The following PCDHGB1 variants were observed in gnomAD, a reference collection of about 807,000 sequenced individuals.
PCDHGB1 encodes protocadherin gamma-B1.
PCDHGB1 carries 34 observed loss-of-function variants against 56.6 expected under a neutral mutation model. The observed-to-expected ratio is 0.60, with a 90% CI of 0.46 to 0.80. The LOEUF is 0.80. Among genes scored for constraint, PCDHGB1 ranks in the 30% least tolerant of loss-of-function variants. The pLI is 0.00. For missense variants in PCDHGB1, 1,278 were observed against 1,204.6 expected (o/e 1.06, Z -0.90); for synonymous variants, 561 against 505.9 (o/e 1.11, Z -1.46).
At chr5:141,356,548 C>G in intron 1 of PCDHGB1, 1 of 1,614,130 alleles carries the variant, frequency 6.2e-7, no homozygotes, top group Non-Finnish European at 8.5e-7. Context: ...TGACAACCCA[C>G]CCACTTTCCC....
Position 141,476,279 on chromosome 5 carries a change from G to T in PCDHGB1, c.2410-18528G>T. The T allele has an allele frequency of 6.2e-7, 1 of 1,614,148 alleles. No individual in the cohort carries two copies. Among genetic ancestry groups the T allele is most frequent in the Non-Finnish European group, 8.5e-7 (1 of 1,180,024 alleles). On this transcript the variant is annotated intron_variant, in intron 1 of 3. Coordinates refer to ENST00000523390, the MANE Select transcript of PCDHGB1 (RefSeq NM_018922.3). This position sits in a 1 kb window ranked among gnomAD's most constrained non-coding sequence, Gnocchi z 7.6. ...TGTGGGCAACGTGGTCGCGAACCTT[G>T]GTTTGGATCTCGGTAGCCTCTCAGC...
chr5:141,374,622 T>A, intron 1 of PCDHGB1: 3 of 1,613,470 alleles, frequency 1.9e-6, no homozygotes, highest in Non-Finnish European at 2.5e-6. Context: ...CACTTCTCAG[T>A]GGACGTGCAA....
chr5:141,388,226 G>A, intron 1 of PCDHGB1: 1 of 1,605,056 alleles, frequency 6.2e-7, no homozygotes, highest in Non-Finnish European at 8.5e-7. Flanking sequence ...AAAATCCACT[G>A]AACTTTTATC....
At chr5:141,507,121 G>A (rs940889204) in intron 3 of PCDHGB1, 1 of 152,126 alleles carries the variant, frequency 6.6e-6, no homozygotes, top group African/African-American at 2.4e-5. Flanking sequence ...GGCTGCCTTT[G>A]GATCCAGCCT....
intron 1 of PCDHGB1, chr5:141,366,052 C>T: frequency 6.2e-7 from 1 of 1,614,248 alleles, no homozygotes; most frequent in Non-Finnish European, 8.5e-7. Context: ...GTTCCACGGG[C>T]GTGGAGCTGG....
chr5:141,394,521 G>C, intron 1 of PCDHGB1: 1 of 1,614,212 alleles, frequency 6.2e-7, no homozygotes, highest in Non-Finnish European at 8.5e-7. Context: ...CCTCCCCACA[G>C]ACGGTTCCAC....
intron 1 of PCDHGB1, chr5:141,404,445 G>GT: frequency 6.2e-7 from 1 of 1,613,280 alleles, no homozygotes; most frequent in Non-Finnish European, 8.5e-7. Context: ...ACCATCCAAG[G>GT]GTCTCCTCTC....
intron 1 of PCDHGB1, chr5:141,414,886 C>T (rs374779316): frequency 1.4e-5 from 22 of 1,614,120 alleles, no homozygotes; most frequent in African/African-American, 2.7e-5. Context: ...GTACCCCGCC[C>T]TCCCCACAGA....
intron 1 of PCDHGB1, chr5:141,405,358 A>G (rs567878422): frequency 6.2e-7 from 1 of 1,613,900 alleles, no homozygotes; most frequent in East Asian, 2.2e-5. Context: ...TTCCTATAGA[A>G]GACACCCCTT....
At chr5:141,379,256 A>C (rs896314996) in intron 1 of PCDHGB1, 1 of 152,234 alleles carries the variant, frequency 6.6e-6, no homozygotes, top group Non-Finnish European at 1.5e-5. Flanking sequence ...ATTTACATTT[A>C]AGGAATTGTT....
chr5:141,475,628 C>T (rs2099366226), intron 1 of PCDHGB1, among the ~76,000 whole-genome samples: 1 of 152,116 alleles, frequency 6.6e-6, no homozygotes. Context: ...TTGGTTCGAT[C>T]CCCTTTCTTG....
rs370032689 is a variant in PCDHGB1 at position 141,415,343 on chromosome 5, G to A, written c.2409+62674G>A. 84 of 1,614,112 alleles carry A rather than the reference G, an allele frequency of 5.2e-5. No homozygotes were observed. The African/African-American group carries it at 1.0e-3, about 20-fold the overall frequency. On this transcript the variant is annotated intron_variant, in intron 1 of 3. Transcript: ENST00000523390. The stretch of plus-strand genomic sequence containing the variant: ...CTGCTGGCGCACAGGCTGCGGCGCT[G>A]GCACAAGTCACGCCTGCTGCAGGCT...
At position 141,450,754 on chromosome 5, in the gene PCDHGB1, C is replaced by T. The variant is rs192088793; in HGVS notation, c.2410-44053C>T. Among the ~76,000 whole-genome samples, 54 of 151,098 alleles carry T rather than the reference C, an allele frequency of 3.6e-4. 1 individual carries two copies. Among genetic ancestry groups the T allele is most frequent in the African/African-American group, 1.1e-3 (47 of 41,192 alleles). ...CGCCCGCCTTGGCCTCCCAAAGTGC[C>T]GGGATTACAGGCATGAGCCACCGTG... On this transcript the variant is annotated intron_variant, in intron 1 of 3. Transcript: ENST00000523390.
chr5:141,413,385 A>C, intron 1 of PCDHGB1: 1 of 1,613,990 alleles, frequency 6.2e-7, no homozygotes, highest in South Asian at 1.1e-5. Flanking sequence ...GAGTCCGCAT[A>C]GTCTCCAGAG....
At chr5:141,465,852 G>A (rs1250863307) in intron 1 of PCDHGB1, among the ~76,000 whole-genome samples, 1 of 151,996 alleles carries the variant, frequency 6.6e-6, no homozygotes, top group East Asian at 1.9e-4. Context: ...GCTGGGCCCA[G>A]TGGCTCATGC....
chr5:141,487,709 A>G lies in PCDHGB1; in HGVS notation c.2410-7098A>G. On this transcript the variant is annotated intron_variant, in intron 1 of 3. Coordinates refer to ENST00000523390, the MANE Select transcript of PCDHGB1 (RefSeq NM_018922.3). This position sits in a 1 kb window ranked among gnomAD's most constrained non-coding sequence, Gnocchi z 5.0. ...CCTAGAGAGTACTGGCCTCTCAGTA[A>G]GTGCCCATAGTGATGTCACCATTTT... is the stretch of plus-strand genomic sequence containing the variant. 6.3e-7 allele frequency: 1 copy of G among 1,586,184 alleles called. No individual in the cohort carries two copies. Among genetic ancestry groups the G allele is most frequent in the South Asian group, 1.1e-5 (1 of 87,958 alleles).
At chr5:141,506,130 GAGA>G (rs560751517) in intron 3 of PCDHGB1, among the ~76,000 whole-genome samples, 2 of 152,170 alleles carry the variant, frequency 1.3e-5, no homozygotes, top group Admixed American at 1.3e-4. Context: ...CCCAGAGCAG[GAGA>G]AGAAGAATAT....
At chr5:141,508,295 G>C (rs989632251) in intron 3 of PCDHGB1, 5 of 152,202 alleles carry the variant, frequency 3.3e-5, no homozygotes, top group Non-Finnish European at 7.3e-5. Context: ...TGGGCCTTGG[G>C]GGGAGTGGGG....
chr5:141,433,582 T>TCCCA (rs758953161), intron 1 of PCDHGB1, among the ~76,000 whole-genome samples: 4 of 151,942 alleles, frequency 2.6e-5, no homozygotes, highest in Non-Finnish European at 5.9e-5. Flanking sequence ...ACGCCTGTAA[T>TCCCA]CCCAGTACTT....
Sources: gnomAD v4.1 joint callset for allele counts (sites outside exome capture counted in the v4.1 genomes callset) on GRCh38, gnomAD v4.1.1 for gene constraint, Gnocchi (gnomAD v3.1) non-coding constraint, MANE v1.5 for transcripts, NCBI Gene and HGNC (gene_info 2026-07-23, HGNC 2026-07-21) for gene names.